C9orf85: variants seen among roughly 807,000 people sequenced by gnomAD.
C9orf85 encodes the protein uncharacterized protein C9orf85.
A neutral mutation model predicts 14.9 loss-of-function variants in C9orf85; 16 were observed. The ratio of observed to expected loss-of-function variants is 1.08; its 90% CI spans 0.73 to 1.63. C9orf85 has a LOEUF of 1.63. Ranked by LOEUF, C9orf85 falls within the 40% of genes most tolerant of loss-of-function variation. The probability of loss-of-function intolerance (pLI) is 0.00; values close to 1 mark genes in which losing one functional copy is unlikely to be tolerated. For missense variants in C9orf85, 172 were observed against 186.1 expected (o/e 0.92, Z 0.44); for synonymous variants, 45 against 56.8 (o/e 0.79, Z 0.93).
intron 1 of C9orf85, among the ~76,000 whole-genome samples, chr9:71,933,843 T>C (rs534799325): frequency 6.6e-6 from 1 of 152,308 alleles, no homozygotes; most frequent in Admixed American, 6.5e-5. Context: ...CAGAAGGTCA[T>C]GCCCATAAGC....
chr9:71,983,850 C>T (rs1330980920), downstream of C9orf85: 1 of 152,164 alleles, frequency 6.6e-6, no homozygotes, highest in African/African-American at 2.4e-5. Flanking sequence ...ACTGAAATGG[C>T]TTTCATCATC....
At chr9:71,939,136 T>A (rs1229856724) in intron 1 of C9orf85, among the ~76,000 whole-genome samples, 4 of 151,756 alleles carry the variant, frequency 2.6e-5, no homozygotes, top group Admixed American at 2.0e-4. Context: ...ATAAAATTGA[T>A]CTGTAGAGGT....
intron 1 of C9orf85, chr9:71,918,513 G>A: frequency 8.7e-7 from 1 of 1,143,528 alleles, no homozygotes; most frequent in African/African-American, 1.6e-5. Context: ...ATCGGTCCAT[G>A]GCCTGTCAGG....
chr9:71,976,989 TG>T (rs1396936723), downstream of C9orf85, among the ~76,000 whole-genome samples: 1 of 152,138 alleles, frequency 6.6e-6, no homozygotes, highest in Non-Finnish European at 1.5e-5. Flanking sequence ...TGTTTCTACC[TG>T]AATATGATTG....
chr9:71,955,744 A>G (rs1321120525), intron 2 of C9orf85, among the ~76,000 whole-genome samples: 4 of 152,202 alleles, frequency 2.6e-5, no homozygotes, highest in African/African-American at 9.7e-5. Context: ...AGTAGATTCC[A>G]TCTGTAGCCA....
intron 1 of C9orf85, among the ~76,000 whole-genome samples, chr9:71,921,928 T>TTTATTA (rs1322378754): frequency 8.8e-6 from 1 of 113,824 alleles, no homozygotes; most frequent in African/African-American, 3.0e-5. Flanking sequence ...TTATTTTTTT[T>TTTATTA]TTATTATTAT....
intron 2 of C9orf85, among the ~76,000 whole-genome samples, chr9:71,966,543 C>A (rs1395570545): frequency 6.6e-6 from 1 of 152,006 alleles, no homozygotes; most frequent in Non-Finnish European, 1.5e-5. Context: ...ATCTATAAAA[C>A]AAACATAATA....
intron 1 of C9orf85, among the ~76,000 whole-genome samples, chr9:71,937,351 G>T (rs537354296): frequency 1.3e-5 from 2 of 152,136 alleles, no homozygotes; most frequent in Non-Finnish European, 2.9e-5. Context: ...TAAATCAGTG[G>T]TTAGTTTGTA....
chr9:71,923,183 A>G (rs1360835476), intron 1 of C9orf85, among the ~76,000 whole-genome samples: 7 of 152,200 alleles, frequency 4.6e-5, no homozygotes, highest in Admixed American at 1.3e-4. Flanking sequence ...GATAATATTT[A>G]TTATCCCCAT....
chr9:71,914,211 C>T (rs1430759908), intron 1 of C9orf85, among the ~76,000 whole-genome samples: 1 of 152,160 alleles, frequency 6.6e-6, no homozygotes, highest in Non-Finnish European at 1.5e-5. Flanking sequence ...AAAAAATGCA[C>T]GGTTCTCTGT....
chr9:71,971,383 G>A, intron 2 of C9orf85, 122 bp from the exon 3 acceptor site: 1 of 504,686 alleles, frequency 2.0e-6, no homozygotes, highest in Admixed American at 4.0e-5. Flanking sequence ...ATAAACACCT[G>A]AAATTGAAAC....
chr9:71,966,745 G>A (rs971806246), intron 2 of C9orf85, among the ~76,000 whole-genome samples: 14 of 152,192 alleles, frequency 9.2e-5, no homozygotes, highest in African/African-American at 3.4e-4. Flanking sequence ...GAGTGGGGGA[G>A]AAGAGGAGAA....
At chr9:71,957,468 A>T (rs1822409387) in intron 2 of C9orf85, among the ~76,000 whole-genome samples, 1 of 152,210 alleles carries the variant, frequency 6.6e-6, no homozygotes, top group Admixed American at 6.5e-5. Context: ...TGCAAAGAAC[A>T]TAATAAATTA....
Position 71,936,544 on chromosome 9 carries a change from T to G in C9orf85, c.103-10462T>G, listed in dbSNP as rs150248270. Among the ~76,000 whole-genome samples, 8 of 152,270 alleles carry G rather than the reference T, an allele frequency of 5.3e-5. No individual in the cohort carries two copies. The East Asian group carries it at 1.5e-3, about 29-fold the overall frequency. The stretch of plus-strand genomic sequence containing the variant: ...AGGAAGGAAAGGTGTGCTTCCCATA[T>G]TACTGCTGCAACAATATAGCTATTT... On this transcript the variant is annotated intron_variant, in intron 1 of 3. Transcript: ENST00000334731.
At chr9:71,963,984 T>G (rs1266124268) in intron 2 of C9orf85, among the ~76,000 whole-genome samples, 2 of 152,230 alleles carry the variant, frequency 1.3e-5, no homozygotes, top group East Asian at 1.9e-4. Context: ...ATCCACGGGG[T>G]GAAGCCAGCT....
chr9:71,943,729 C>T (rs1255132814), intron 1 of C9orf85, among the ~76,000 whole-genome samples: 3 of 151,420 alleles, frequency 2.0e-5, no homozygotes, highest in African/African-American at 4.8e-5. Context: ...TTAGTAGAGA[C>T]GGGGTTTCTC....
intron 2 of C9orf85, among the ~76,000 whole-genome samples, chr9:71,950,813 A>C (rs974673866): frequency 2.6e-5 from 4 of 152,218 alleles, no homozygotes; most frequent in Admixed American, 2.6e-4. Flanking sequence ...AGTTCTGCAC[A>C]ACATAAAATA....
chr9:71,935,841 C>T (rs1163348819), intron 1 of C9orf85, among the ~76,000 whole-genome samples: 2 of 151,966 alleles, frequency 1.3e-5, no homozygotes, highest in East Asian at 1.9e-4. Flanking sequence ...TTTAATACCA[C>T]TCAACTATAC....
intron 1 of C9orf85, among the ~76,000 whole-genome samples, chr9:71,919,105 C>T (rs1228759979): frequency 3.9e-5 from 6 of 152,106 alleles, no homozygotes; most frequent in Admixed American, 3.3e-4. Context: ...ATCCTAATTT[C>T]GTGGGTTGTG....
Sources: allele counts gnomAD v4.1 joint callset (sites outside exome capture counted in the v4.1 genomes callset), GRCh38; gene constraint gnomAD v4.1.1; transcripts MANE v1.5; gene names NCBI Gene and HGNC (gene_info 2026-07-23, HGNC 2026-07-21).